The following SMARCC1 variants were observed in gnomAD, a reference collection of about 807,000 sequenced individuals.
The protein encoded by SMARCC1 is SWI/SNF complex subunit SMARCC1.
SMARCC1 carries 43 observed loss-of-function variants against 147.4 expected under a neutral mutation model. That is an observed-to-expected ratio of 0.29 (90% CI 0.23 to 0.38). SMARCC1 has a LOEUF of 0.38. Among genes scored for constraint, SMARCC1 ranks in the 10% least tolerant of loss-of-function variants. The probability of loss-of-function intolerance (pLI) is 1.00; values close to 1 mark genes in which losing one functional copy is unlikely to be tolerated. For missense variants in SMARCC1, 1,119 were observed against 1,381.1 expected (o/e 0.81, Z 3.01); for synonymous variants, 495 against 484.4 (o/e 1.02, Z -0.29).
chr3:47,608,443 G>T (rs566236693), intron 26 of SMARCC1, among the ~76,000 whole-genome samples: 1 of 152,114 alleles, frequency 6.6e-6, no homozygotes, highest in Non-Finnish European at 1.5e-5. Context: ...CAATTTAGTC[G>T]AATGGGGATT....
At chr3:47,747,449 A>ATATAAATATAAC (rs2034577398) in intron 2 of SMARCC1, among the ~76,000 whole-genome samples, 1 of 144,198 alleles carries the variant, frequency 6.9e-6, no homozygotes, top group Non-Finnish European at 1.5e-5. Context: ...AAAAATATAA[A>ATATAAATATAAC]TATAAATATA....
At chr3:47,595,966 C>G (rs151162093) in intron 26 of SMARCC1, among the ~76,000 whole-genome samples, 1 of 151,648 alleles carries the variant, frequency 6.6e-6, no homozygotes, top group Non-Finnish European at 1.5e-5. Flanking sequence ...ATCTCTTGAC[C>G]TCGTGATCTG....
At chr3:47,680,554 T>TTTA in intron 14 of SMARCC1, 46 bp from the exon 15 acceptor site, 1 of 1,285,730 alleles carries the variant, frequency 7.8e-7, no homozygotes, top group Non-Finnish European at 1.1e-6. Context: ...CTTTTTTTTT[T>TTTA]TTTTTTTTTT....
intron 18 of SMARCC1, among the ~76,000 whole-genome samples, chr3:47,673,342 C>T (rs537015030): frequency 1.6e-3 from 234 of 143,124 alleles, no homozygotes; most frequent in Non-Finnish European, 2.6e-3. Flanking sequence ...GGGGAGACTG[C>T]GCCACCGCAC....
chr3:47,662,351 G>C lies in SMARCC1; in HGVS notation c.2141C>G (p.Ala714Gly). 2.5e-6 allele frequency: 4 copies of C among 1,614,118 alleles called. No individual in the cohort carries two copies. The highest frequency in any genetic ancestry group is 3.4e-6 in the Non-Finnish European group (4 of 1,179,992). Reference sequence around the variant, plus strand: ...GTCCATACCCAAAGCCGCTTTTGCTGCAGCAGATGCCACGCGAGGGTCCAC... The same window carrying C: ...GTCCATACCCAAAGCCGCTTTTGCTCCAGCAGATGCCACGCGAGGGTCCAC... ...SVVDPRVASA[A>G]AKAALEEFSR... The change falls in exon 20 of 28, where the codon GCA becomes GGA. Residue 714 changes from alanine to glycine, a missense_variant. Ala to Gly is a moderately conservative substitution (Grantham distance 60). Coordinates refer to ENST00000254480, the MANE Select transcript of SMARCC1 (RefSeq NM_003074.4).
At position 47,762,859 on chromosome 3, in the gene SMARCC1, G is replaced by A. The variant is rs913696592; in HGVS notation, c.315+9958C>T. Among the ~76,000 whole-genome samples the A allele has an allele frequency of 6.6e-5, 10 of 152,194 alleles. No individual in the cohort carries two copies. The East Asian group carries it at 1.7e-3, about 26-fold the overall frequency. On this transcript the variant is annotated intron_variant, in intron 2 of 27. Transcript: ENST00000254480. ...AGGCGGGCAGATCACGAGGTCAGGAGATCGAGACCATCCTGGCTAACACGG... is the reference window on the plus strand; with the variant it reads ...AGGCGGGCAGATCACGAGGTCAGGAAATCGAGACCATCCTGGCTAACACGG...
intron 21 of SMARCC1, among the ~76,000 whole-genome samples, chr3:47,656,266 T>A (rs532407630): frequency 1.2e-3 from 188 of 152,186 alleles, no homozygotes; most frequent in Non-Finnish European, 2.3e-3. Context: ...GTACTACGTA[T>A]AAAGTTGCTT....
intron 19 of SMARCC1, among the ~76,000 whole-genome samples, chr3:47,666,641 T>C (rs1481282423): frequency 6.6e-6 from 1 of 151,230 alleles, no homozygotes; most frequent in Admixed American, 6.6e-5. Flanking sequence ...GTCCAACCTG[T>C]GGCCTGCAGC....
intron 25 of SMARCC1, among the ~76,000 whole-genome samples, chr3:47,616,845 AT>A (rs2032652222): frequency 6.6e-6 from 1 of 152,172 alleles, no homozygotes; most frequent in Non-Finnish European, 1.5e-5. Flanking sequence ...TTTATATTTG[AT>A]TTTGAGTCTT....
At chr3:47,756,490 G>T (rs1210784012) in intron 2 of SMARCC1, among the ~76,000 whole-genome samples, 1 of 135,582 alleles carries the variant, frequency 7.4e-6, no homozygotes, top group Admixed American at 8.4e-5. Context: ...CTGAGATCGC[G>T]CCATTGCGCT....
At chr3:47,632,214 T>C (rs1176271694) in intron 24 of SMARCC1, among the ~76,000 whole-genome samples, 2 of 152,102 alleles carry the variant, frequency 1.3e-5, no homozygotes, top group African/African-American at 4.8e-5. Flanking sequence ...CAGTAGTGTA[T>C]ACCAGGCAAA....
At chr3:47,615,563 T>C (rs2106676792) in intron 25 of SMARCC1, among the ~76,000 whole-genome samples, 1 of 152,314 alleles carries the variant, frequency 6.6e-6, no homozygotes, top group Non-Finnish European at 1.5e-5. Flanking sequence ...TAGTATTTGG[T>C]TTCTTTGAGT....
At chr3:47,758,293 T>C (rs972991321) in intron 2 of SMARCC1, among the ~76,000 whole-genome samples, 2 of 151,638 alleles carry the variant, frequency 1.3e-5, no homozygotes, top group African/African-American at 2.4e-5. Flanking sequence ...GCTAATATTT[T>C]AATATTCTGT....
At position 47,754,409 on chromosome 3, in the gene SMARCC1, G is replaced by A. The variant is rs554875510; in HGVS notation, c.316-8416C>T. Among the ~76,000 whole-genome samples, 6 of 152,098 alleles carry A rather than the reference G, an allele frequency of 3.9e-5. No individual in the cohort carries two copies. In the East Asian group the frequency reaches 1.2e-3, roughly 29 times the overall value. On this transcript the variant is annotated intron_variant, in intron 2 of 27. Coordinates refer to ENST00000254480, the MANE Select transcript of SMARCC1 (RefSeq NM_003074.4). ...GTAGAGACAGGGTTTCACCATGTTG[G>A]CCAGGATGGTCTCGATCTCTTGACC...
chr3:47,756,151 G>A (rs921730655), intron 2 of SMARCC1, among the ~76,000 whole-genome samples: 2 of 151,852 alleles, frequency 1.3e-5, no homozygotes, highest in Admixed American at 1.3e-4. Flanking sequence ...TCCAGCCTGG[G>A]CTACAGGGCA....
At chr3:47,698,485 C>A (rs1321952280) in intron 11 of SMARCC1, among the ~76,000 whole-genome samples, 1 of 151,788 alleles carries the variant, frequency 6.6e-6, no homozygotes, top group African/African-American at 2.4e-5. Flanking sequence ...AAGAAATCTA[C>A]AAAAAAGTGC....
chr3:47,655,626 G>A (rs1576400615), intron 21 of SMARCC1, among the ~76,000 whole-genome samples: 1 of 152,002 alleles, frequency 6.6e-6, no homozygotes, highest in African/African-American at 2.4e-5. Context: ...GAGCCTGGGA[G>A]GTGGAGGTTG....
At chr3:47,625,237 A>T (rs1314774480) in intron 24 of SMARCC1, among the ~76,000 whole-genome samples, 1 of 149,124 alleles carries the variant, frequency 6.7e-6, no homozygotes, top group Non-Finnish European at 1.5e-5. Flanking sequence ...AGGTGGGTGG[A>T]TCACTTGAGG....
At chr3:47,724,902 T>C (rs1220101331) in intron 6 of SMARCC1, among the ~76,000 whole-genome samples, 1 of 151,920 alleles carries the variant, frequency 6.6e-6, no homozygotes, top group Non-Finnish European at 1.5e-5. Flanking sequence ...TGTTTTTAAA[T>C]TAGCCATGTG....
Sources: gnomAD v4.1 joint callset for allele counts (sites outside exome capture counted in the v4.1 genomes callset) on GRCh38, gnomAD v4.1.1 for gene constraint, MANE v1.5 for transcripts, NCBI Gene and HGNC (gene_info 2026-07-23, HGNC 2026-07-21) for gene names.